SLC24A2: variants seen among roughly 807,000 people sequenced by gnomAD.
SLC24A2 encodes sodium/potassium/calcium exchanger 2.
Under a neutral mutation model 62.0 loss-of-function variants are expected in SLC24A2, and 36 were observed. That is an observed-to-expected ratio of 0.58 (90% CI 0.44 to 0.77). The LOEUF is 0.77. Ranked by LOEUF, SLC24A2 falls within the 30% of genes least tolerant of loss-of-function variation. SLC24A2 has a pLI of 0.00. For synonymous variants in SLC24A2, 358 were observed against 294.0 expected, an observed-to-expected ratio of 1.22 and a Z score of -2.23; for missense variants, 846 against 817.9, an observed-to-expected ratio of 1.03 and a Z score of -0.42.
At chr9:19,896,840 G>C in the SLC24A2 span, among the ~76,000 whole-genome samples, 1 of 152,074 alleles carries the variant, frequency 6.6e-6, no homozygotes, top group Non-Finnish European at 1.5e-5. Flanking sequence ...GATTTGTGAG[G>C]ATTAAATTAT....
At chr9:20,271,296 T>C in the SLC24A2 span, among the ~76,000 whole-genome samples, 1 of 152,212 alleles carries the variant, frequency 6.6e-6, no homozygotes, top group Admixed American at 6.5e-5. Context: ...CAATGATGCA[T>C]GTCTGACTGT....
At chr9:20,244,064 C>T in the SLC24A2 span, among the ~76,000 whole-genome samples, 7 of 152,118 alleles carry the variant, frequency 4.6e-5, no homozygotes, top group African/African-American at 1.7e-4. Flanking sequence ...TGCAGGATGG[C>T]TTAAAGTTAA....
the SLC24A2 span, among the ~76,000 whole-genome samples, chr9:19,813,039 C>A: frequency 6.6e-6 from 1 of 152,128 alleles, no homozygotes; most frequent in Non-Finnish European, 1.5e-5. Flanking sequence ...AGTTTAGTTT[C>A]AGAATTTGGT....
chr9:19,517,442 G>A (rs1832985906), intron 10 of SLC24A2, among the ~76,000 whole-genome samples: 1 of 152,240 alleles, frequency 6.6e-6, no homozygotes, highest in Admixed American at 6.5e-5. Context: ...AGAGAGAAAT[G>A]ATGAGGGTGA....
At chr9:19,768,515 C>T (rs1822585919) in intron 2 of SLC24A2, among the ~76,000 whole-genome samples, 2 of 152,248 alleles carry the variant, frequency 1.3e-5, no homozygotes, top group South Asian at 4.1e-4. Flanking sequence ...ACTGAACCCT[C>T]TCTATATTTT....
At chr9:19,613,056 TAA>T (rs1206986443) in intron 4 of SLC24A2, among the ~76,000 whole-genome samples, 5 of 152,192 alleles carry the variant, frequency 3.3e-5, no homozygotes, top group Non-Finnish European at 7.3e-5. Context: ...ATGAGATATA[TAA>T]GAGACAAGTG....
chr9:20,012,841 C>T, the SLC24A2 span, among the ~76,000 whole-genome samples: 2 of 151,528 alleles, frequency 1.3e-5, no homozygotes, highest in Admixed American at 1.3e-4. Context: ...GTAAATTTAA[C>T]CAAAGTGGTA....
In SLC24A2 at chr9:19,713,248, G is replaced by A. The variant is rs377388417; in HGVS notation, c.930+72689C>T. ...ATGAATGAAGGAAGGAAGTACCTGC[G>A]CCATTTGTAAAGTCAAAAGAGAGAC... On this transcript the variant is annotated intron_variant, in intron 2 of 10. Coordinates refer to ENST00000341998, the MANE Select transcript of SLC24A2 (RefSeq NM_020344.4). 3.4e-4 allele frequency among the ~76,000 whole-genome samples: 52 copies of A among 152,054 alleles called. No individual in the cohort carries two copies. In the East Asian group the frequency reaches 5.8e-3, roughly 17 times the overall value.
the SLC24A2 span, among the ~76,000 whole-genome samples, chr9:19,847,524 T>G: frequency 1.3e-5 from 2 of 152,224 alleles, no homozygotes; most frequent in Non-Finnish European, 2.9e-5. Flanking sequence ...TAAAGAATAG[T>G]GTTTACATAT....
chr9:19,888,008 C>T, the SLC24A2 span, among the ~76,000 whole-genome samples: 61,906 of 151,966 alleles, frequency 0.41, 13,205 homozygotes, highest in East Asian at 0.84. Flanking sequence ...GGACAAAAGC[C>T]TACAAATTGG....
At chr9:20,119,036 T>C in the SLC24A2 span, among the ~76,000 whole-genome samples, 13 of 152,224 alleles carry the variant, frequency 8.5e-5, no homozygotes, top group African/African-American at 2.6e-4. Flanking sequence ...TGGCAAAGAA[T>C]TGAGAGTGGT....
intron 2 of SLC24A2, among the ~76,000 whole-genome samples, chr9:19,667,541 T>C (rs536080177): frequency 2.0e-5 from 3 of 152,284 alleles, no homozygotes; most frequent in Admixed American, 2.0e-4. Flanking sequence ...ACTTCCATCA[T>C]AGCCCCTTAG....
the SLC24A2 span, among the ~76,000 whole-genome samples, chr9:20,091,455 G>A: frequency 1.3e-5 from 2 of 151,780 alleles, no homozygotes; most frequent in African/African-American, 4.8e-5. Flanking sequence ...TAGAGAGAAA[G>A]GCCAAGTCAC....
At chr9:20,275,810 T>C in the SLC24A2 span, among the ~76,000 whole-genome samples, 3 of 152,014 alleles carry the variant, frequency 2.0e-5, no homozygotes, top group African/African-American at 7.3e-5. Context: ...TGGTGGAAAG[T>C]GAAGGAGGAG....
At chr9:19,967,905 T>A in the SLC24A2 span, 1 of 152,208 alleles carries the variant, frequency 6.6e-6, no homozygotes, top group Non-Finnish European at 1.5e-5. Context: ...CAGCTAACTT[T>A]CTGAGCATCC....
the SLC24A2 span, among the ~76,000 whole-genome samples, chr9:20,012,165 T>G: frequency 1.3e-5 from 2 of 152,202 alleles, no homozygotes; most frequent in Non-Finnish European, 2.9e-5. Context: ...TCCATTTTCA[T>G]GCTGCTGATA....
chr9:19,819,993 G>GTATATATA, the SLC24A2 span, among the ~76,000 whole-genome samples: 16 of 123,858 alleles, frequency 1.3e-4, no homozygotes, highest in African/African-American at 5.1e-4. Flanking sequence ...AGAAACTGCA[G>GTATATATA]TATATATATA....
the SLC24A2 span, chr9:19,958,026 C>T: frequency 6.5e-6 from 1 of 152,718 alleles, no homozygotes. Context: ...CTGTCAGTGG[C>T]CATAGGATCA....
At chr9:19,623,045 A>G (rs972528349) in intron 2 of SLC24A2, among the ~76,000 whole-genome samples, 8 of 152,188 alleles carry the variant, frequency 5.3e-5, no homozygotes, top group African/African-American at 1.9e-4. Context: ...AAGGCCTGGT[A>G]ATCTGCTGGA....
Sources: gnomAD v4.1 joint callset for allele counts (sites outside exome capture counted in the v4.1 genomes callset) on GRCh38, gnomAD v4.1.1 for gene constraint, MANE v1.5 for transcripts, NCBI Gene and HGNC (gene_info 2026-07-23, HGNC 2026-07-21) for gene names.